SPIRE2: variants seen among roughly 807,000 people sequenced by gnomAD.
SPIRE2 encodes the protein spire type actin nucleation factor 2.
SPIRE2 carries 76 observed loss-of-function variants against 80.7 expected under a neutral mutation model. The observed-to-expected ratio is 0.94, with a 90% confidence interval of 0.78 to 1.14. The LOEUF is 1.14. Among genes scored for constraint, SPIRE2 ranks in the 50% most tolerant of loss-of-function variants. The pLI is 0.00. For synonymous variants in SPIRE2, 535 were observed against 432.6 expected, an observed-to-expected ratio of 1.24 and a Z score of -2.94; for missense variants, 1,196 against 1,015.3, an observed-to-expected ratio of 1.18 and a Z score of -2.42.
At chr16:89,865,655 G>T (rs1440147177) in intron 12 of SPIRE2, among the ~76,000 whole-genome samples, 1 of 152,016 alleles carries the variant, frequency 6.6e-6, no homozygotes, top group Non-Finnish European at 1.5e-5. Context: ...GTAAAAGTTA[G>T]AATTTCCCAG....
chr16:89,839,295 A>G (rs1348956071), intron 1 of SPIRE2, among the ~76,000 whole-genome samples: 1 of 150,002 alleles, frequency 6.7e-6, no homozygotes, highest in African/African-American at 2.5e-5. Flanking sequence ...AATGGCATGA[A>G]CCCAGGAGGC....
chr16:89,870,877 G>GGT lies in SPIRE2; in HGVS notation c.*606_*607insTG, dbSNP rs1422917269. The GGT allele has an allele frequency of 1.3e-5, 2 of 153,884 alleles. No homozygotes were observed. The highest frequency in any genetic ancestry group is 2.9e-5 in the Non-Finnish European group (2 of 69,176). The allele number at this position is 153,884 out of a possible 1,614,324, so 9.5% of individuals were successfully genotyped here. On this transcript the variant is annotated 3_prime_UTR_variant, in exon 15 of 15. Transcript: ENST00000378247. ...GAGGAGGGAGGATCACCTGAGGTCA[G>GGT]GAGTTTGAGACCAGCCTGGCCAACA...
chr16:89,860,710 C>G lies in SPIRE2; in HGVS notation c.1490C>G (p.Pro497Arg). Residue 497 changes from proline to arginine, a missense_variant, in exon 10 of 15, where the codon CCC (proline) becomes CGC (arginine). Transcript: ENST00000378247. ...QGTCPASVSD[P>R]SHPLLSNRGS... ...ACCTGTCCCGCGAGTGTCTCTGACC[C>G]CAGCCACCCCCTACTCAGCAACCGG... 1 of 1,592,184 alleles carries G rather than the reference C, an allele frequency of 6.3e-7. No homozygotes were observed. Among genetic ancestry groups the G allele is most frequent in the Non-Finnish European group, 8.5e-7 (1 of 1,169,884 alleles).
chr16:89,864,675 G>A (rs1005278212), intron 12 of SPIRE2, among the ~76,000 whole-genome samples: 1 of 152,168 alleles, frequency 6.6e-6, no homozygotes, highest in Non-Finnish European at 1.5e-5. Flanking sequence ...GCACACAAAG[G>A]ACTCGCCTCA....
Position 89,828,495 on chromosome 16 carries a change from A to G in SPIRE2, c.-56A>G. ...CGGCCAGGCTGACCCTGCGCGGCGG[A>G]AGGCGCGGCTGCATGGACGCGGGTC... On this transcript the variant is annotated 5_prime_UTR_variant, in exon 1 of 15. Coordinates refer to ENST00000378247, the MANE Select transcript of SPIRE2 (RefSeq NM_032451.2). The surrounding 1 kb of genome is among the most constrained non-coding windows in gnomAD (Gnocchi z 5.9). The G allele has an allele frequency of 1.0e-6, 1 of 994,556 alleles. No homozygotes were observed. The highest frequency in any genetic ancestry group is 4.6e-5 in the South Asian group (1 of 21,596). The allele number at this position is 994,556 out of a possible 1,614,324, so 61.6% of individuals were successfully genotyped here.
intron 1 of SPIRE2, among the ~76,000 whole-genome samples, chr16:89,836,635 G>C (rs925433286): frequency 6.6e-6 from 1 of 152,192 alleles, no homozygotes. Context: ...CATTCACCCA[G>C]AACGACCTTG....
At chr16:89,838,110 C>A (rs1359912272) in intron 1 of SPIRE2, among the ~76,000 whole-genome samples, 1 of 151,818 alleles carries the variant, frequency 6.6e-6, no homozygotes, top group Non-Finnish European at 1.5e-5. Context: ...AACGATTCTC[C>A]CACCTCAGCC....
At position 89,851,072 on chromosome 16, in the gene SPIRE2, C is replaced by T. The variant is rs183068087; in HGVS notation, c.645+412C>T. Among the ~76,000 whole-genome samples the T allele has an allele frequency of 2.0e-3, 298 of 152,220 alleles. 2 individuals carry two copies. The highest frequency in any genetic ancestry group is 4.6e-3 in the Admixed American group (70 of 15,274). On this transcript the variant is annotated intron_variant, in intron 3 of 14. Transcript: ENST00000378247. ...CTGACCTCAGGTGATCCATCTGCGT[C>T]GGCCTCCCAAAGTGCTGGGATTACA...
Position 89,870,474 on chromosome 16 carries a change from C to A in SPIRE2, c.*202C>A. On this transcript the variant is annotated 3_prime_UTR_variant, in exon 15 of 15. Coordinates refer to ENST00000378247, the MANE Select transcript of SPIRE2 (RefSeq NM_032451.2). ...ACTTCAAAACCCTCCCTGGGGGAGG[C>A]TGTTTCTTCTCAGGATTCCTTGCCA... 1.9e-6 allele frequency: 1 copy of A among 520,700 alleles called. No homozygotes were observed. Among genetic ancestry groups the A allele is most frequent in the Non-Finnish European group, 3.4e-6 (1 of 292,022 alleles). 32.3% of individuals were successfully genotyped at this position (520,700 alleles called of 1,614,324 possible).
intron 10 of SPIRE2, 92 bp downstream of exon 10, chr16:89,860,887 G>T: frequency 3.8e-6 from 3 of 782,614 alleles, no homozygotes; most frequent in Non-Finnish European, 5.8e-6. Context: ...AGATGGGTCT[G>T]AGCACCTGTC....
At chr16:89,830,961 G>C (rs1025350131) in intron 1 of SPIRE2, among the ~76,000 whole-genome samples, 2 of 147,128 alleles carry the variant, frequency 1.4e-5, no homozygotes, top group Non-Finnish European at 3.0e-5. Context: ...CCAGGCTGGA[G>C]TGCAGCGGCA....
intron 13 of SPIRE2, among the ~76,000 whole-genome samples, chr16:89,868,435 A>C (rs1251832985): frequency 6.6e-6 from 1 of 152,160 alleles, no homozygotes. Flanking sequence ...CGTGCCAAAA[A>C]ACCCTTCACT....
intron 4 of SPIRE2, 21 bp downstream of exon 4, chr16:89,854,387 A>G (rs756129718): frequency 1.9e-6 from 3 of 1,611,564 alleles, no homozygotes; most frequent in Non-Finnish European, 2.5e-6. Context: ...CTCCCACCTG[A>G]CCGGGCCACT....
At chr16:89,843,677 T>TG (rs1406784277) in intron 1 of SPIRE2, among the ~76,000 whole-genome samples, 17 of 25,530 alleles carry the variant, frequency 6.7e-4, no homozygotes, top group Non-Finnish European at 1.0e-3. Context: ...GTTTTTTTTT[T>TG]TTTGTTTGTT....
chr16:89,832,905 T>G lies in SPIRE2; in HGVS notation c.244+4111T>G, dbSNP rs1342018654. 3.3e-5 allele frequency among the ~76,000 whole-genome samples: 5 copies of G among 151,934 alleles called. No individual in the cohort carries two copies. In the South Asian group the frequency reaches 8.3e-4, roughly 25 times the overall value. On this transcript the variant is annotated intron_variant, in intron 1 of 14. Transcript: ENST00000378247. ...GGCATGATCTCGGCTCACTGCAACC[T>G]TAGCCTCCTGAGTTCAAGCGATTCT...
chr16:89,856,341 G>T (rs772218352), intron 7 of SPIRE2, 105 bp downstream of exon 7: 2 of 1,280,008 alleles, frequency 1.6e-6, no homozygotes, highest in Non-Finnish European at 2.1e-6. Flanking sequence ...CCCTGAGGGC[G>T]CCTGAACCCA....
At chr16:89,837,961 C>T (rs1183400892) in intron 1 of SPIRE2, among the ~76,000 whole-genome samples, 1 of 152,082 alleles carries the variant, frequency 6.6e-6, no homozygotes, top group Non-Finnish European at 1.5e-5. Context: ...TTCGTGCGGG[C>T]GTTTCTCCCT....
rs2041767355 is a variant in SPIRE2 at position 89,863,975 on chromosome 16, G to A, written c.1778+114G>A. On this transcript the variant is annotated intron_variant, in intron 12 of 14. Coordinates refer to ENST00000378247, the MANE Select transcript of SPIRE2 (RefSeq NM_032451.2). This position sits in a 1 kb window ranked among gnomAD's most constrained non-coding sequence, Gnocchi z 4.3. ...CCAGGAATGTTCTAGCATGTTCGAT[G>A]GCTGATGAGTCCACAAGATATGGTT... 1.9e-5 allele frequency: 14 copies of A among 719,592 alleles called. No homozygotes were observed. In the South Asian group the frequency reaches 2.4e-4, roughly 12 times the overall value. 44.6% of individuals were successfully genotyped at this position (719,592 alleles called of 1,614,324 possible). A position where few individuals can be genotyped will look rare whatever the true frequency, so the allele number is the denominator to read the frequency against.
At chr16:89,854,414 C>A in intron 4 of SPIRE2, 48 bp downstream of exon 4, 1 of 1,610,982 alleles carries the variant, frequency 6.2e-7, no homozygotes, top group Non-Finnish European at 8.5e-7. Context: ...GCCCAGCCTG[C>A]CAAGGGTCTC....
Sources: allele counts gnomAD v4.1 joint callset (sites outside exome capture counted in the v4.1 genomes callset), GRCh38; gene constraint gnomAD v4.1.1; non-coding constraint Gnocchi (gnomAD v3.1); transcripts MANE v1.5; gene names NCBI Gene and HGNC (gene_info 2026-07-23, HGNC 2026-07-21).